The following TTN variants were observed in gnomAD, a reference collection of about 807,000 sequenced individuals.
TTN encodes titin.
A neutral mutation model predicts 3,223.0 loss-of-function variants in TTN; 1,525 were observed. The ratio of observed to expected loss-of-function variants is 0.47; its 90% CI spans 0.45 to 0.49. The LOEUF (loss-of-function observed/expected upper bound fraction) is 0.49. Ranked by LOEUF, TTN falls within the 20% of genes least tolerant of loss-of-function variation. TTN has a pLI of 0.00. For synonymous variants in TTN, 14,094 were observed against 15,161.0 expected (o/e 0.93, Z 5.17); for missense variants, 40,786 against 43,424.0 (o/e 0.94, Z 5.40).
In TTN at chr2:178,536,033, C is replaced by T. The variant is rs1357094378; in HGVS notation, c.100714G>A (p.Ala33572Thr). ...DDDATVYQVR[A>T]TNQGGSVSGT... Reference sequence around the variant, plus strand: ...GACACAGATCCCCCTTGGTTGGTAGCTCTGACTTGGTAAACTGTGGCATCA... The same window carrying T: ...GACACAGATCCCCCTTGGTTGGTAGTTCTGACTTGGTAAACTGTGGCATCA... Residue 33572 changes from alanine to threonine, a missense_variant, in exon 357 of 363, where the codon GCT (alanine) becomes ACT (threonine). Transcript: ENST00000589042. 6.3e-7 allele frequency: 1 copy of T among 1,581,970 alleles called. No individual in the cohort carries two copies. The highest frequency in any genetic ancestry group is 1.7e-5 in the Admixed American group (1 of 57,860).
intron 111 of TTN, 117 bp from the exon 112 acceptor site, chr2:178,699,031 A>G: frequency 1.9e-6 from 2 of 1,069,658 alleles, no homozygotes; most frequent in East Asian, 5.3e-5. Context: ...TGTTGATAGT[A>G]GCGAGATTCT....
rs549738074 is a variant in TTN, at chr2:178,671,010, G to A, written c.35308+80C>T. 2.1e-5 allele frequency: 20 copies of A among 974,788 alleles called. No homozygotes were observed. In the South Asian group the frequency reaches 3.3e-4, roughly 16 times the overall value. 60.4% of individuals were successfully genotyped at this position (974,788 alleles called of 1,614,324 possible). A position where few individuals can be genotyped will look rare whatever the true frequency, so the allele number is the denominator to read the frequency against. On this transcript the variant is annotated intron_variant, in intron 156 of 362. Transcript: ENST00000589042. ...AAATACAGAAGAAAGACATCAAGTG[G>A]AATGCAAACTTGTGCTTATAAAGCA... is the stretch of plus-strand genomic sequence containing the variant.
At chr2:178,801,709 T>A (rs1314759125) in intron 3 of TTN, among the ~76,000 whole-genome samples, 3 of 152,188 alleles carry the variant, frequency 2.0e-5, no homozygotes, top group Non-Finnish European at 2.9e-5. Flanking sequence ...TATGTTTACA[T>A]GCCTCTTAAA....
In TTN at chr2:178,554,697, C is replaced by G. The variant is rs778800874; in HGVS notation, c.88650G>C (p.Lys29550Asn). Reference sequence around the variant, plus strand: ...CTGGAGGCCGCCAGAGAAGGGTGATCTTCTCAGCAGTTACAGTCTTAAATT... The same window carrying G: ...CTGGAGGCCGCCAGAGAAGGGTGATGTTCTCAGCAGTTACAGTCTTAAATT... ...PIEFKTVTAE[K>N]ITLLWRPPAD... is the part of the protein sequence containing the mutation. The change falls in exon 332 of 363, where the codon AAG becomes AAC. Residue 29550 changes from lysine to asparagine, a missense_variant. Lys to Asn is a moderately conservative substitution (Grantham distance 94, BLOSUM62 0). Coordinates refer to ENST00000589042, the MANE Select transcript of TTN (RefSeq NM_001267550.2). The G allele has an allele frequency of 1.2e-6, 2 of 1,613,916 alleles. No homozygotes were observed. The highest frequency in any genetic ancestry group is 1.7e-6 in the Non-Finnish European group (2 of 1,179,846).
chr2:178,757,230 A>AGTACAGTAAGTAATACTGTAC (rs1227467101), intron 45 of TTN, among the ~76,000 whole-genome samples: 35 of 16,336 alleles, frequency 2.1e-3, no homozygotes, highest in Non-Finnish European at 3.1e-3. Flanking sequence ...GTAAGTAATA[A>AGTACAGTAAGTAATACTGTAC]TCAGCAAATA....
At position 178,675,658 on chromosome 2, in the gene TTN, T is replaced by C; in HGVS notation, c.34537+13A>G. ...CGGTGCAGCAAACATATCCCTGTTA[T>C]GGGATGATGTACCTTTGGCAGGAGG... On this transcript the variant is annotated intron_variant, in intron 149 of 362. Coordinates refer to ENST00000589042, the MANE Select transcript of TTN (RefSeq NM_001267550.2). 2 of 1,403,134 alleles carry C rather than the reference T, an allele frequency of 1.4e-6. No homozygotes were observed. Among genetic ancestry groups the C allele is most frequent in the Non-Finnish European group, 1.8e-6 (2 of 1,085,290 alleles). The allele number at this position is 1,403,134 out of a possible 1,614,324, so 86.9% of individuals were successfully genotyped here.
At chr2:178,765,699 T>C (rs2090252770) in intron 41 of TTN, among the ~76,000 whole-genome samples, 2 of 152,172 alleles carry the variant, frequency 1.3e-5, no homozygotes, top group Admixed American at 1.3e-4. Flanking sequence ...AGGATGAGAA[T>C]AGGAAGGGAG....
At chr2:178,588,463 T>G in intron 304 of TTN, 75 bp downstream of exon 304, 3 of 1,430,472 alleles carry the variant, frequency 2.1e-6, no homozygotes, top group Non-Finnish European at 1.9e-6. Context: ...GATGTTACAT[T>G]AACTTATTTA....
In TTN at chr2:178,573,657, T is replaced by C. The variant is rs371764714; in HGVS notation, c.72475A>G (p.Ile24159Val). Reference sequence around the variant, plus strand: ...CTGCTGGTTTCACGTTTCTGTACTATGTAATGATCAATTTTGGCACCTCCA... The same window carrying C: ...CTGCTGGTTTCACGTTTCTGTACTACGTAATGATCAATTTTGGCACCTCCA... ...DDGGAKIDHY[I>V]VQKRETSRLA... The change falls in exon 326 of 363, where the codon ATA becomes GTA. Residue 24159 changes from isoleucine (I) to valine (V), a missense_variant. Transcript: ENST00000589042. 32 of 1,515,846 alleles carry C rather than the reference T, an allele frequency of 2.1e-5. No homozygotes were observed. Among genetic ancestry groups the C allele is most frequent in the African/African-American group, 1.7e-4 (12 of 71,812 alleles). 93.9% of individuals were successfully genotyped at this position (1,515,846 alleles called of 1,614,324 possible). A position where few individuals can be genotyped will look rare whatever the true frequency, so the allele number is the denominator to read the frequency against.
At position 178,722,588 on chromosome 2, in the gene TTN, A is replaced by G. The variant is rs2078591961; in HGVS notation, c.22241-42T>C. The stretch of plus-strand genomic sequence containing the variant: ...AATACTTAAGGTGTTAGGAGATGAA[A>G]TGAGAAGTTCACCATAAAGATACAA... On this transcript the variant is annotated intron_variant, in intron 76 of 362. Coordinates refer to ENST00000589042, the MANE Select transcript of TTN (RefSeq NM_001267550.2). 1.9e-6 allele frequency: 3 copies of G among 1,591,144 alleles called. No homozygotes were observed. The African/African-American group carries it at 4.1e-5, about 22-fold the overall frequency.
At chr2:178,624,343 A>T in intron 242 of TTN, 122 bp downstream of exon 242, 1 of 1,233,650 alleles carries the variant, frequency 8.1e-7, no homozygotes, top group Non-Finnish European at 1.2e-6. Flanking sequence ...CAGTGTCAAT[A>T]CTAGAAGTTG....
At chr2:178,550,894 G>A (rs1276201411) in intron 336 of TTN, 73 bp downstream of exon 336, 1 of 1,430,248 alleles carries the variant, frequency 7.0e-7, no homozygotes, top group Non-Finnish European at 9.5e-7. Flanking sequence ...CATTTTACAG[G>A]CCAGGGGCCA....
chr2:178,612,814 G>C lies in TTN; in HGVS notation c.49907C>G (p.Pro16636Arg). The C allele has an allele frequency of 6.2e-7, 1 of 1,612,310 alleles. No individual in the cohort carries two copies. The highest frequency in any genetic ancestry group is 8.5e-7 in the Non-Finnish European group (1 of 1,179,142). ...AAGCACAGGGTCACTGGGTTCACTG[G>C]GTTCACTTTCCCCAGCCTTATTCAC... is the stretch of plus-strand genomic sequence containing the variant. ...RAVNKAGESE[P>R]SEPSDPVLCR... Residue 16636 changes from proline (P) to arginine (R), a missense_variant, in exon 265 of 363, where the codon CCC becomes CGC. Physicochemically the swap from Pro to Arg is moderately radical, Grantham distance 103. Coordinates refer to ENST00000589042, the MANE Select transcript of TTN (RefSeq NM_001267550.2).
intron 47 of TTN, chr2:178,746,595 T>G (rs1170020230): frequency 4.3e-6 from 7 of 1,613,258 alleles, no homozygotes; most frequent in Non-Finnish European, 5.9e-6. Context: ...ATGTCTACAT[T>G]TGCAAAGCTC....
At chr2:178,766,648 A>G (rs767071458) in intron 40 of TTN, 36 bp from the exon 41 acceptor site, 1 of 1,550,612 alleles carries the variant, frequency 6.4e-7, no homozygotes, top group South Asian at 1.1e-5. Context: ...CAACAACAAC[A>G]ACAAAAACTT....
At chr2:178,751,058 T>A (rs763493766) in intron 47 of TTN, 4 of 1,612,780 alleles carry the variant, frequency 2.5e-6, no homozygotes, top group Non-Finnish European at 3.4e-6. Flanking sequence ...TATATTTTGA[T>A]CCATTTGATT....
chr2:178,538,611 A>G lies in TTN; in HGVS notation c.99218T>C (p.Val33073Ala). ...LLEATEYEFR[V>A]FAENETGLSR... is the part of the protein sequence containing the mutation. The stretch of plus-strand genomic sequence containing the variant: ...CAGCCCAGTCTCATTCTCAGCAAAA[A>G]CCCTGAATTCATACTCAGTAGCTTC... The change falls in exon 354 of 363, where the codon GTT becomes GCT. Residue 33073 changes from valine (V) to alanine (A), a missense_variant. Coordinates refer to ENST00000589042, the MANE Select transcript of TTN (RefSeq NM_001267550.2). 2 of 1,613,566 alleles carry G rather than the reference A, an allele frequency of 1.2e-6. No individual in the cohort carries two copies. Among genetic ancestry groups the G allele is most frequent in the Non-Finnish European group, 1.7e-6 (2 of 1,179,690 alleles).
intron 208 of TTN, 28 bp downstream of exon 208, chr2:178,651,215 T>C: frequency 6.3e-7 from 1 of 1,591,294 alleles, no homozygotes; most frequent in Non-Finnish European, 8.6e-7. Context: ...TGAGTGCTTT[T>C]CTGCAGAATC....
chr2:178,674,622 T>G (rs2067649695), intron 150 of TTN, among the ~76,000 whole-genome samples: 1 of 151,306 alleles, frequency 6.6e-6, no homozygotes, highest in African/African-American at 2.4e-5. Context: ...AATAAAAAAA[T>G]TATTATTGTT....
Sources: allele counts gnomAD v4.1 joint callset (sites outside exome capture counted in the v4.1 genomes callset), GRCh38; gene constraint gnomAD v4.1.1; transcripts MANE v1.5; gene names NCBI Gene and HGNC (gene_info 2026-07-23, HGNC 2026-07-21).